CSF2RA: variants seen among roughly 807,000 people sequenced by gnomAD.
CSF2RA encodes granulocyte-macrophage colony-stimulating factor receptor subunit alpha.
In CSF2RA, 42 loss-of-function variants were observed where a neutral mutation model predicts 51.6. That is an observed-to-expected ratio of 0.81 (90% CI 0.64 to 1.05). The LOEUF is 1.05. Ranked by LOEUF, CSF2RA falls within the 50% of genes least tolerant of loss-of-function variation. The pLI is 0.00. For missense variants in CSF2RA, 530 were observed against 501.1 expected (o/e 1.06, Z -0.55); for synonymous variants, 222 against 193.0 (o/e 1.15, Z -1.24).
At chrX:1,321,196 A>G in the CSF2RA span, among the ~76,000 whole-genome samples, 24,330 of 151,626 alleles carry the variant, frequency 0.16, 3,305 homozygotes, top group African/African-American at 0.37. Context: ...GAGGCCGGGC[A>G]CGGTGGCTCA....
chrX:1,303,814 C>A, intron 10 of CSF2RA, 109 bp from the exon 11 acceptor site: 1 of 989,544 alleles, frequency 1.0e-6, no homozygotes, highest in Non-Finnish European at 1.6e-6. Flanking sequence ...CAGTTCTCAG[C>A]TTGACTGTTC....
chrX:1,284,134 ATCAC>A (rs2090357672), intron 3 of CSF2RA, among the ~76,000 whole-genome samples: 1 of 150,690 alleles, frequency 6.6e-6, no homozygotes, highest in African/African-American at 2.5e-5. Flanking sequence ...TCAGAGCCAC[ATCAC>A]TCTGGATAAA....
rs776911744 is a variant in CSF2RA, at chrX:1,297,025, C to G, written c.810+1569C>G. Among the ~76,000 whole-genome samples the G allele has an allele frequency of 9.9e-4, 68 of 68,478 alleles. 1 individual carries two copies. The highest frequency in any genetic ancestry group is 4.5e-3 in the African/African-American group (62 of 13,860). 44.9% of individuals were successfully genotyped at this position (68,478 alleles called of 152,430 possible). The stretch of plus-strand genomic sequence containing the variant: ...ACCCCTACACTCTCCTACCCAAGAC[C>G]CCTGGCGGAACCCTACAGTCCCCTA... On this transcript the variant is annotated intron_variant, in intron 9 of 12. Transcript: ENST00000381529.
chrX:1,271,840 G>A (rs1389098028), intron 1 of CSF2RA, among the ~76,000 whole-genome samples: 1 of 152,054 alleles, frequency 6.6e-6, no homozygotes, highest in Non-Finnish European at 1.5e-5. Flanking sequence ...TAGATTTTTG[G>A]TTTAAACTCG....
chrX:1,279,364 AT>A (rs1307028191), intron 2 of CSF2RA, among the ~76,000 whole-genome samples: 21 of 150,286 alleles, frequency 1.4e-4, no homozygotes, highest in African/African-American at 4.4e-4. Flanking sequence ...AATAATAATA[AT>A]TAATAATAAT....
chrX:1,318,713 C>T, the CSF2RA span, among the ~76,000 whole-genome samples: 2 of 151,190 alleles, frequency 1.3e-5, no homozygotes, highest in African/African-American at 2.4e-5. Context: ...GTCAGGAGAT[C>T]GAGACCCTCC....
downstream of CSF2RA, among the ~76,000 whole-genome samples, chrX:1,313,249 C>G (rs1244341493): frequency 1.3e-5 from 2 of 150,546 alleles, no homozygotes; most frequent in African/African-American, 4.9e-5. Flanking sequence ...CGTGGTGAAA[C>G]TCGTCTCTAC....
At chrX:1,303,387 C>T (rs2083210162) in intron 10 of CSF2RA, 5 of 436,230 alleles carry the variant, frequency 1.1e-5, no homozygotes, top group Non-Finnish European at 2.0e-5. Context: ...AGGCACCCAC[C>T]ACCATGCCTG....
intron 7 of CSF2RA, among the ~76,000 whole-genome samples, chrX:1,293,588 C>A (rs748197849): frequency 1.3e-5 from 2 of 152,350 alleles, no homozygotes; most frequent in African/African-American, 4.8e-5. Flanking sequence ...TTTACCTGGA[C>A]CCAGTGTAGA....
At chrX:1,289,045 T>C in intron 6 of CSF2RA, 157 bp downstream of exon 6, 1 of 986,988 alleles carries the variant, frequency 1.0e-6, no homozygotes. Context: ...CACTGCAACC[T>C]CGACCTCCTG....
chrX:1,314,499 C>T (rs771969504), downstream of CSF2RA, among the ~76,000 whole-genome samples: 11 of 145,432 alleles, frequency 7.6e-5, no homozygotes, highest in African/African-American at 2.4e-4. Context: ...CCCACTGTGC[C>T]TGCCCAACCG....
At chrX:1,314,344 C>CATCTGCCCAACCACTCTGT (rs1569514781), downstream of CSF2RA, among the ~76,000 whole-genome samples, 1 of 130,750 alleles carries the variant, frequency 7.6e-6, no homozygotes, top group African/African-American at 3.0e-5. Context: ...AACCCCACTG[C>CATCTGCCCAACCACTCTGT]GCCTGCCCAA....
chrX:1,275,088 C>CA (rs59502193), intron 2 of CSF2RA, among the ~76,000 whole-genome samples: 45,227 of 118,188 alleles, frequency 0.38, 8,519 homozygotes, highest in Non-Finnish European at 0.45. Context: ...ATGAACCTGT[C>CA]AAAAAAAAAA....
At chrX:1,289,533 T>C (rs1355144553) in intron 6 of CSF2RA, among the ~76,000 whole-genome samples, 4 of 151,378 alleles carry the variant, frequency 2.6e-5, no homozygotes, top group African/African-American at 9.7e-5. Context: ...TGTTTCTGTG[T>C]TTTTCTTTTG....
At chrX:1,293,365 C>T (rs2091582277) in intron 7 of CSF2RA, among the ~76,000 whole-genome samples, 1 of 152,048 alleles carries the variant, frequency 6.6e-6, no homozygotes, top group African/African-American at 2.4e-5. Context: ...ACTACAGGCA[C>T]CCGCCACCAC....
At chrX:1,303,714 T>C (rs769226434) in intron 10 of CSF2RA, among the ~76,000 whole-genome samples, 20 of 152,204 alleles carry the variant, frequency 1.3e-4, no homozygotes, top group African/African-American at 4.8e-4. Flanking sequence ...AGAAATTTCC[T>C]TGTGGGCAAA....
chrX:1,280,779 TAGA>T (rs2089816278), intron 2 of CSF2RA, among the ~76,000 whole-genome samples: 1 of 145,722 alleles, frequency 6.9e-6, no homozygotes, highest in African/African-American at 2.5e-5. Context: ...TGGGCTTGGA[TAGA>T]AGTATATTGA....
At chrX:1,315,835 GATAA>G in the CSF2RA span, among the ~76,000 whole-genome samples, 16 of 150,856 alleles carry the variant, frequency 1.1e-4, no homozygotes, top group Non-Finnish European at 1.9e-4. Flanking sequence ...TAGATGAATG[GATAA>G]ATAGATGGAT....
In CSF2RA at chrX:1,300,613, A is replaced by C. The variant is rs750933541; in HGVS notation, c.933A>C (p.Glu311Asp). ...VRILNWSSWS[E>D]AIEFGSDDGN... is the part of the protein sequence containing the mutation. Reference sequence around the variant, plus strand: ...TCTTGAATTGGAGCTCCTGGAGTGAAGCCATTGAATTTGGTAAGCGTTGGG... The same window carrying C: ...TCTTGAATTGGAGCTCCTGGAGTGACGCCATTGAATTTGGTAAGCGTTGGG... The change falls in exon 10 of 13, where the codon GAA (glutamate) becomes GAC (aspartate). Residue 311 changes from glutamate (E) to aspartate (D), a missense_variant. Transcript: ENST00000381529. 6.2e-7 allele frequency: 1 copy of C among 1,613,892 alleles called. No homozygotes were observed. Among genetic ancestry groups the C allele is most frequent in the Non-Finnish European group, 8.5e-7 (1 of 1,179,854 alleles).
Sources: gnomAD v4.1 joint callset for allele counts (sites outside exome capture counted in the v4.1 genomes callset) on GRCh38, gnomAD v4.1.1 for gene constraint, MANE v1.5 for transcripts, NCBI Gene and HGNC (gene_info 2026-07-23, HGNC 2026-07-21) for gene names.